Variants in TOGARAM1 observed in about 807,000 individuals in gnomAD.
The protein encoded by TOGARAM1 is TOG array regulator of axonemal microtubules 1.
Under a neutral mutation model 166.6 loss-of-function variants are expected in TOGARAM1, and 100 were observed. That is an observed-to-expected ratio of 0.60 (90% confidence interval 0.51 to 0.71). TOGARAM1 has a LOEUF of 0.71. Among genes scored for constraint, TOGARAM1 ranks in the 30% least tolerant of loss-of-function variants. The probability of loss-of-function intolerance (pLI) is 0.00; values close to 1 mark genes in which losing one functional copy is unlikely to be tolerated. For missense variants in TOGARAM1, 2,029 were observed against 2,102.7 expected (o/e 0.96, Z 0.69); for synonymous variants, 758 against 763.8 (o/e 0.99, Z 0.13).
intron 7 of TOGARAM1, among the ~76,000 whole-genome samples, chr14:45,013,992 A>G (rs1372405124): frequency 6.6e-6 from 1 of 151,686 alleles, no homozygotes; most frequent in African/African-American, 2.4e-5. Flanking sequence ...TCATAATAGT[A>G]TAATACATAC....
At chr14:44,964,799 T>A (rs760354277) in intron 1 of TOGARAM1, among the ~76,000 whole-genome samples, 4 of 151,984 alleles carry the variant, frequency 2.6e-5, no homozygotes, top group Non-Finnish European at 5.9e-5. Context: ...AGAGCTAAAT[T>A]CTGGGAATGA....
At chr14:45,052,004 A>C (rs1882394287) in intron 14 of TOGARAM1, among the ~76,000 whole-genome samples, 1 of 152,218 alleles carries the variant, frequency 6.6e-6, no homozygotes. Flanking sequence ...TGCTGAGAAC[A>C]CTTACATTAG....
intron 7 of TOGARAM1, among the ~76,000 whole-genome samples, chr14:45,016,462 A>G (rs1243817870): frequency 6.6e-6 from 1 of 152,228 alleles, no homozygotes; most frequent in African/African-American, 2.4e-5. Context: ...CGGGCGGATC[A>G]CGAGGTCAGG....
At chr14:45,046,144 T>A (rs1882055280) in intron 13 of TOGARAM1, among the ~76,000 whole-genome samples, 1 of 143,654 alleles carries the variant, frequency 7.0e-6, no homozygotes, top group African/African-American at 2.9e-5. Flanking sequence ...AACTTTAAGA[T>A]AGATCTTAGC....
intron 16 of TOGARAM1, among the ~76,000 whole-genome samples, chr14:45,055,675 G>A (rs1230625736): frequency 2.0e-5 from 3 of 151,740 alleles, no homozygotes; most frequent in African/African-American, 7.3e-5. Context: ...ATGGTGGAGG[G>A]TGCCTGTAAT....
rs182380444 is a variant in TOGARAM1 at position 44,972,546 on chromosome 14, A to G, written c.2046+8079A>G. On this transcript the variant is annotated intron_variant, in intron 1 of 19. Transcript: ENST00000361462. ...ATCAGTCTTTGCCTCATTTAATTTGACACTGTTGTTGGGCACACATTAAGA... is the reference window on the plus strand; with the variant it reads ...ATCAGTCTTTGCCTCATTTAATTTGGCACTGTTGTTGGGCACACATTAAGA... Among the ~76,000 whole-genome samples, 5 of 152,122 alleles carry G rather than the reference A, an allele frequency of 3.3e-5. No individual in the cohort carries two copies. The East Asian group carries it at 9.7e-4, about 29-fold the overall frequency.
intron 16 of TOGARAM1, among the ~76,000 whole-genome samples, chr14:45,065,774 A>G (rs1250745428): frequency 6.6e-6 from 1 of 152,218 alleles, no homozygotes; most frequent in African/African-American, 2.4e-5. Context: ...GAAAGATTTC[A>G]ACTATTCCTC....
At chr14:44,974,339 T>C (rs997357710) in intron 1 of TOGARAM1, among the ~76,000 whole-genome samples, 5 of 152,126 alleles carry the variant, frequency 3.3e-5, no homozygotes, top group African/African-American at 1.2e-4. Flanking sequence ...TTTTGATTTC[T>C]AGGTTTCTTT....
intron 2 of TOGARAM1, 44 bp from the exon 3 acceptor site, chr14:44,999,319 G>C (rs2138821126): frequency 6.8e-7 from 1 of 1,479,846 alleles, no homozygotes; most frequent in East Asian, 2.4e-5. Flanking sequence ...ATGAAATAAA[G>C]TTAACTTTTG....
chr14:44,965,785 C>T (rs372863808), intron 1 of TOGARAM1, among the ~76,000 whole-genome samples: 1 of 152,032 alleles, frequency 6.6e-6, no homozygotes, highest in Admixed American at 6.5e-5. Flanking sequence ...AAGAATACCC[C>T]GACAACTTTT....
chr14:45,053,609 C>T (rs78224738), intron 15 of TOGARAM1, among the ~76,000 whole-genome samples: 7,062 of 151,578 alleles, frequency 0.047, 535 homozygotes, highest in African/African-American at 0.16. Context: ...TTTTTCTGCC[C>T]GTTGAGCCTG....
At chr14:45,045,376 T>G (rs1881935746) in intron 13 of TOGARAM1, among the ~76,000 whole-genome samples, 1 of 151,022 alleles carries the variant, frequency 6.6e-6, no homozygotes, top group Admixed American at 6.7e-5. Context: ...TCACCCTGTA[T>G]GACTTTGCAT....
intron 3 of TOGARAM1, among the ~76,000 whole-genome samples, chr14:45,001,271 C>T (rs1282881921): frequency 1.3e-5 from 2 of 152,134 alleles, no homozygotes; most frequent in African/African-American, 4.8e-5. Context: ...TTATTGAAGA[C>T]TTAAATGTAA....
At chr14:44,995,928 C>T in intron 2 of TOGARAM1, 26 bp downstream of exon 2, 5 of 1,570,814 alleles carry the variant, frequency 3.2e-6, no homozygotes, top group South Asian at 1.2e-5. Context: ...TGATGATGGT[C>T]ATGTTGAACT....
Position 45,009,019 on chromosome 14 carries a change from A to T in TOGARAM1, c.3011A>T (p.Asp1004Val), listed in dbSNP as rs377419839. ...LESPDSAMKL[D>V]LTMDSPSLSS... Reference sequence around the variant, plus strand: ...AGCCCTGATTCTGCAATGAAGCTCGACTTGACGATGGACTCCCCGTCTCTG... The same window carrying T: ...AGCCCTGATTCTGCAATGAAGCTCGTCTTGACGATGGACTCCCCGTCTCTG... Residue 1004 changes from aspartate (D) to valine (V), a missense_variant, in exon 6 of 20, where the codon GAC becomes GTC. This residue lies in a region of TOGARAM1 where 1,453 missense variants were observed against 1,432.2 expected (regional missense o/e 1.01). Transcript: ENST00000361462. 2.5e-6 allele frequency: 4 copies of T among 1,614,010 alleles called. No individual in the cohort carries two copies. The highest frequency in any genetic ancestry group is 3.4e-6 in the Non-Finnish European group (4 of 1,180,006).
intron 10 of TOGARAM1, among the ~76,000 whole-genome samples, 160 bp from the exon 11 acceptor site, chr14:45,032,063 G>A (rs1247872607): frequency 2.0e-5 from 3 of 152,200 alleles, no homozygotes; most frequent in African/African-American, 7.2e-5. Context: ...GCGAGGTTGA[G>A]GCAGGAGAAT....
intron 1 of TOGARAM1, among the ~76,000 whole-genome samples, chr14:44,976,676 T>C (rs774605426): frequency 6.6e-6 from 1 of 152,166 alleles, no homozygotes; most frequent in Non-Finnish European, 1.5e-5. Context: ...TGTGATGTTA[T>C]TAAATGTTTT....
Position 44,964,242 on chromosome 14 carries a change from A to G in TOGARAM1, c.1821A>G (p.Gly607=). The G allele has an allele frequency of 6.2e-7, 1 of 1,614,194 alleles. No homozygotes were observed. Residue 607 remains glycine (G), a synonymous_variant, in exon 1 of 20, where the codon GGA becomes GGG. Transcript: ENST00000361462. ...GTAGGTCAAACCATTTGGCACATGG[A>G]GCAGATACGGACTGGCTTTTGGCTG... ...AGGRSNHLAH[G]ADTDWLLAGN... is the part of the protein sequence containing the mutation.
At chr14:45,004,546 A>C (rs1230215036) in intron 4 of TOGARAM1, among the ~76,000 whole-genome samples, 180 bp downstream of exon 4, 1 of 152,196 alleles carries the variant, frequency 6.6e-6, no homozygotes, top group Admixed American at 6.5e-5. Context: ...AATTCAATTG[A>C]AATTCTCATT....
Sources: gnomAD v4.1 joint callset for allele counts (sites outside exome capture counted in the v4.1 genomes callset) on GRCh38, gnomAD v4.1.1 for gene constraint, gnomAD v4.1.1 regional missense constraint, MANE v1.5 for transcripts, NCBI Gene and HGNC (gene_info 2026-07-23, HGNC 2026-07-21) for gene names.